Variants in NXPE4 observed in about 807,000 individuals in gnomAD.
NXPE4 encodes neurexophilin and PC-esterase domain family member 4.
NXPE4 carries 42 observed loss-of-function variants against 33.3 expected under a neutral mutation model. That is an observed-to-expected ratio of 1.26 (90% CI 0.98 to 1.63). The LOEUF is 1.63. NXPE4 is among the 40% of genes most tolerant of loss of function. NXPE4 has a pLI of 0.00. For synonymous variants in NXPE4, 253 were observed against 234.9 expected, an observed-to-expected ratio of 1.08 and a Z score of -0.71; for missense variants, 709 against 647.6, an observed-to-expected ratio of 1.09 and a Z score of -1.03.
At chr11:114,665,726 A>G in the NXPE4 span, among the ~76,000 whole-genome samples, 1 of 152,162 alleles carries the variant, frequency 6.6e-6, no homozygotes, top group African/African-American at 2.4e-5. Flanking sequence ...ACATCCACAG[A>G]TGAAGTCAAG....
the NXPE4 span, among the ~76,000 whole-genome samples, chr11:114,620,699 G>A: frequency 6.6e-6 from 1 of 152,020 alleles, no homozygotes; most frequent in African/African-American, 2.4e-5. Context: ...CTGTTACCTG[G>A]TGGATAATAA....
At chr11:114,592,485 C>T (rs1488767201) in intron 2 of NXPE4, among the ~76,000 whole-genome samples, 2 of 151,642 alleles carry the variant, frequency 1.3e-5, no homozygotes, top group African/African-American at 2.4e-5. Flanking sequence ...ACAATGAAAA[C>T]TACAAAACAT....
chr11:114,612,430 C>G, the NXPE4 span, among the ~76,000 whole-genome samples: 2 of 151,818 alleles, frequency 1.3e-5, no homozygotes, highest in South Asian at 4.1e-4. Flanking sequence ...TAAGTGTTGC[C>G]TCGTGGGTCA....
chr11:114,673,378 A>G, the NXPE4 span, among the ~76,000 whole-genome samples: 1 of 151,564 alleles, frequency 6.6e-6, no homozygotes, highest in Non-Finnish European at 1.5e-5. Flanking sequence ...AAAAAAGAAG[A>G]AAGATCTCAA....
At chr11:114,604,926 G>C in the NXPE4 span, among the ~76,000 whole-genome samples, 1 of 151,924 alleles carries the variant, frequency 6.6e-6, no homozygotes, top group South Asian at 2.1e-4. Context: ...GTTGCCTCTA[G>C]GGTACCCACT....
the NXPE4 span, among the ~76,000 whole-genome samples, chr11:114,610,173 G>A: frequency 2.6e-5 from 4 of 151,782 alleles, no homozygotes; most frequent in Admixed American, 6.6e-5. Flanking sequence ...GTTACCTGGT[G>A]GATAATAAGT....
intron 3 of NXPE4, among the ~76,000 whole-genome samples, 182 bp downstream of exon 3, chr11:114,582,106 C>A (rs1312167898): frequency 6.6e-6 from 1 of 152,022 alleles, no homozygotes; most frequent in Non-Finnish European, 1.5e-5. Context: ...ATTAAATGTT[C>A]AAAAAGTTTG....
chr11:114,603,380 C>T, the NXPE4 span, among the ~76,000 whole-genome samples: 1 of 151,192 alleles, frequency 6.6e-6, no homozygotes, highest in Middle Eastern at 3.2e-3. Flanking sequence ...ATAAGTATTT[C>T]CTCATCTCCT....
the NXPE4 span, among the ~76,000 whole-genome samples, chr11:114,629,649 G>T: frequency 6.6e-6 from 1 of 152,002 alleles, no homozygotes; most frequent in Non-Finnish European, 1.5e-5. Context: ...CTATTCATCA[G>T]AGTGTTGGAA....
At chr11:114,601,863 A>T in the NXPE4 span, among the ~76,000 whole-genome samples, 1 of 11,252 alleles carries the variant, frequency 8.9e-5, no homozygotes, top group Non-Finnish European at 1.3e-4. Context: ...TATAATATAC[A>T]ATTATATATA....
chr11:114,582,556 C>A lies in NXPE4; in HGVS notation c.562G>T (p.Val188Leu), dbSNP rs1352182773. The change falls in exon 3 of 6, where the codon GTG becomes TTG. Residue 188 changes from valine (V) to leucine (L), a missense_variant. Val to Leu is a conservative substitution (Grantham distance 32). Transcript: ENST00000375478. ...TTCCTTGCACTCCAGAGAGCTGACACCCCTTCACTGGGGTGGATGAGCAGC... is the reference window on the plus strand; with the variant it reads ...TTCCTTGCACTCCAGAGAGCTGACAACCCTTCACTGGGGTGGATGAGCAGC... ...SLLLIHPSEGVSALWSARNQG... is the reference protein window; with the variant it reads ...SLLLIHPSEGLSALWSARNQG... The A allele has an allele frequency of 1.2e-6, 2 of 1,614,194 alleles. No homozygotes were observed. Among genetic ancestry groups the A allele is most frequent in the Non-Finnish European group, 1.7e-6 (2 of 1,180,012 alleles).
the NXPE4 span, among the ~76,000 whole-genome samples, chr11:114,636,249 G>T: frequency 6.6e-6 from 1 of 151,988 alleles, no homozygotes; most frequent in Non-Finnish European, 1.5e-5. Context: ...GTTTATTTGC[G>T]TAGAGGTGTT....
At chr11:114,602,889 T>G in the NXPE4 span, among the ~76,000 whole-genome samples, 2 of 148,290 alleles carry the variant, frequency 1.3e-5, no homozygotes, top group African/African-American at 4.9e-5. Context: ...AACATAATTA[T>G]CTAATATATA....
intron 5 of NXPE4, among the ~76,000 whole-genome samples, chr11:114,573,765 G>A (rs910032228): frequency 6.6e-6 from 1 of 151,952 alleles, no homozygotes; most frequent in Non-Finnish European, 1.5e-5. Flanking sequence ...CAATAGTGGG[G>A]AACTTTAACA....
the NXPE4 span, among the ~76,000 whole-genome samples, chr11:114,650,787 GACTC>G: frequency 2.0e-4 from 30 of 152,214 alleles, no homozygotes; most frequent in East Asian, 3.9e-4. Flanking sequence ...ACTCTGGAAA[GACTC>G]TCTCTAAGTT....
At chr11:114,628,469 C>G in the NXPE4 span, among the ~76,000 whole-genome samples, 1 of 151,864 alleles carries the variant, frequency 6.6e-6, no homozygotes, top group East Asian at 1.9e-4. Flanking sequence ...TCTTTGAAAC[C>G]AATGAGAACA....
At chr11:114,625,316 T>C in the NXPE4 span, among the ~76,000 whole-genome samples, 48 of 152,266 alleles carry the variant, frequency 3.2e-4, no homozygotes, top group East Asian at 9.1e-3. Flanking sequence ...GGATAATAAG[T>C]GTTGCACTGT....
intron 2 of NXPE4, among the ~76,000 whole-genome samples, chr11:114,590,387 C>T (rs1471567221): frequency 6.6e-6 from 1 of 152,104 alleles, no homozygotes; most frequent in Non-Finnish European, 1.5e-5. Flanking sequence ...TTCCTCCTTC[C>T]CCCTCCCTAA....
At chr11:114,628,936 T>G in the NXPE4 span, among the ~76,000 whole-genome samples, 1 of 151,972 alleles carries the variant, frequency 6.6e-6, no homozygotes, top group Non-Finnish European at 1.5e-5. Flanking sequence ...AATGGATAAA[T>G]TCCTCGACAC....
Sources: allele counts gnomAD v4.1 joint callset (sites outside exome capture counted in the v4.1 genomes callset), GRCh38; gene constraint gnomAD v4.1.1; transcripts MANE v1.5; gene names NCBI Gene and HGNC (gene_info 2026-07-23, HGNC 2026-07-21).